The following OXR1 variants were observed in gnomAD, a reference collection of about 807,000 sequenced individuals.
OXR1 encodes the protein oxidation resistance protein 1.
A neutral mutation model predicts 104.6 loss-of-function variants in OXR1; 41 were observed. That is an observed-to-expected ratio of 0.39 (90% CI 0.31 to 0.51). OXR1 has a LOEUF of 0.51. Ranked by LOEUF, OXR1 falls within the 20% of genes least tolerant of loss-of-function variation. The pLI is 0.77. For synonymous variants in OXR1, 348 were observed against 348.4 expected, an observed-to-expected ratio of 1.00 and a Z score of 0.01; for missense variants, 955 against 1,031.9, an observed-to-expected ratio of 0.93 and a Z score of 1.02.
At chr8:106,474,120 A>G (rs1821674915) in intron 2 of OXR1, among the ~76,000 whole-genome samples, 1 of 150,530 alleles carries the variant, frequency 6.6e-6, no homozygotes, top group African/African-American at 2.4e-5. Context: ...TACGTAATCT[A>G]AAGTTTTGTT....
At chr8:106,451,114 A>G (rs747930738) in intron 2 of OXR1, among the ~76,000 whole-genome samples, 5 of 152,166 alleles carry the variant, frequency 3.3e-5, no homozygotes, top group Non-Finnish European at 5.9e-5. Flanking sequence ...TCTAAATGAA[A>G]TTGTGCTCAT....
chr8:106,494,517 CCT>C (rs1811297146), intron 2 of OXR1, among the ~76,000 whole-genome samples: 1 of 152,136 alleles, frequency 6.6e-6, no homozygotes, highest in Admixed American at 6.5e-5. Flanking sequence ...AAGTCCTAAC[CCT>C]CCCCAACTCC....
intron 12 of OXR1, among the ~76,000 whole-genome samples, chr8:106,738,841 A>C (rs975502143): frequency 3.3e-5 from 5 of 152,014 alleles, no homozygotes; most frequent in African/African-American, 1.2e-4. Flanking sequence ...AGTAAAATTT[A>C]TTGTTTGGTC....
At chr8:106,574,337 T>C (rs763336914) in intron 3 of OXR1, among the ~76,000 whole-genome samples, 5 of 152,110 alleles carry the variant, frequency 3.3e-5, no homozygotes, top group Admixed American at 2.0e-4. Context: ...CATCTCTAGG[T>C]CTAAAAAGCC....
chr8:106,460,594 AG>A (rs1820853710), intron 2 of OXR1, among the ~76,000 whole-genome samples: 1 of 152,212 alleles, frequency 6.6e-6, no homozygotes, highest in South Asian at 2.1e-4. Flanking sequence ...GGGCAAAACC[AG>A]GTTCACTGCT....
chr8:106,328,992 A>G (rs148577012), intron 1 of OXR1, among the ~76,000 whole-genome samples: 2 of 150,408 alleles, frequency 1.3e-5, no homozygotes, highest in Non-Finnish European at 2.9e-5. Context: ...ACTTGGGGTC[A>G]GGCTCACCAT....
At chr8:106,430,796 T>A (rs1563519180) in intron 2 of OXR1, among the ~76,000 whole-genome samples, 2 of 152,190 alleles carry the variant, frequency 1.3e-5, no homozygotes. Flanking sequence ...CTGGTCAGAC[T>A]GACAGGACAA....
At chr8:106,562,555 T>C (rs1252864774) in intron 3 of OXR1, among the ~76,000 whole-genome samples, 1 of 152,140 alleles carries the variant, frequency 6.6e-6, no homozygotes, top group Admixed American at 6.5e-5. Context: ...CTTCAGGATA[T>C]TATCCAGGAG....
intron 1 of OXR1, among the ~76,000 whole-genome samples, chr8:106,277,313 C>G (rs1812089285): frequency 6.6e-6 from 1 of 152,146 alleles, no homozygotes; most frequent in African/African-American, 2.4e-5. Flanking sequence ...TTCTACCTTA[C>G]TACTTTTTAA....
chr8:106,301,837 C>G (rs1813247067), intron 1 of OXR1, among the ~76,000 whole-genome samples: 1 of 151,884 alleles, frequency 6.6e-6, no homozygotes, highest in African/African-American at 2.4e-5. Flanking sequence ...TTCAGGGACT[C>G]AGTAAATGCC....
At chr8:106,443,279 T>C (rs1269399948) in intron 2 of OXR1, among the ~76,000 whole-genome samples, 31 of 152,154 alleles carry the variant, frequency 2.0e-4, no homozygotes, top group Admixed American at 2.0e-3. Context: ...CTGTTTATTA[T>C]AATTTCAGGT....
intron 15 of OXR1, 87 bp downstream of exon 15, chr8:106,742,404 A>G: frequency 2.8e-6 from 2 of 719,568 alleles, no homozygotes; most frequent in Admixed American, 2.7e-5. Flanking sequence ...TGCTATTCCC[A>G]TTAAACTACC....
At position 106,442,909 on chromosome 8, in the gene OXR1, C is replaced by T. The variant is rs140523809; in HGVS notation, c.24-76034C>T. On this transcript the variant is annotated intron_variant, in intron 2 of 16. Coordinates refer to ENST00000517566, the MANE Select transcript of OXR1 (RefSeq NM_001198533.2). ...GGAGGGTTTTTCATGTCTCTATCTT[C>T]TTCTTTTCTGATCTTAGTTATTTCT... is the stretch of plus-strand genomic sequence containing the variant. Among the ~76,000 whole-genome samples the T allele has an allele frequency of 6.0e-3, 902 of 151,566 alleles. 5 individuals are homozygous for T. The highest frequency in any genetic ancestry group is 0.011 in the Non-Finnish European group (716 of 67,686).
chr8:106,717,083 G>A (rs964089559), intron 11 of OXR1, among the ~76,000 whole-genome samples: 6 of 152,122 alleles, frequency 3.9e-5, no homozygotes, highest in Non-Finnish European at 8.8e-5. Context: ...TTGCTCGGGA[G>A]GCTGAGGCAG....
intron 2 of OXR1, among the ~76,000 whole-genome samples, chr8:106,515,328 A>T (rs1812789955): frequency 6.6e-6 from 1 of 152,024 alleles, no homozygotes; most frequent in African/African-American, 2.4e-5. Flanking sequence ...AACGCTGAAA[A>T]CCTACTCTCA....
chr8:106,425,111 A>C (rs1356573291), intron 2 of OXR1, among the ~76,000 whole-genome samples: 1 of 60,546 alleles, frequency 1.7e-5, no homozygotes, highest in Non-Finnish European at 3.0e-5. Flanking sequence ...TTTTTTTTTG[A>C]GACAGGATCT....
intron 1 of OXR1, among the ~76,000 whole-genome samples, chr8:106,284,321 G>T (rs1427616933): frequency 6.6e-6 from 1 of 151,990 alleles, no homozygotes; most frequent in African/African-American, 2.4e-5. Flanking sequence ...GAAATAGGTT[G>T]GCACATATGA....
chr8:106,634,951 C>T (rs1013167198), intron 3 of OXR1, among the ~76,000 whole-genome samples: 10 of 152,114 alleles, frequency 6.6e-5, no homozygotes, highest in African/African-American at 2.2e-4. Context: ...CCTCCCCAGA[C>T]CCTACTGAAT....
intron 7 of OXR1, chr8:106,697,425 C>G: frequency 6.7e-7 from 1 of 1,498,806 alleles, no homozygotes; most frequent in East Asian, 2.3e-5. Flanking sequence ...GGGGTGGGAT[C>G]AAAGGATCTG....
Sources: gnomAD v4.1 joint callset for allele counts (sites outside exome capture counted in the v4.1 genomes callset) on GRCh38, gnomAD v4.1.1 for gene constraint, MANE v1.5 for transcripts, NCBI Gene and HGNC (gene_info 2026-07-23, HGNC 2026-07-21) for gene names.